Variants in SYF2 observed in about 807,000 individuals in gnomAD.
The protein encoded by SYF2 is SYF2 pre-mRNA splicing factor.
Under a neutral mutation model 32.7 loss-of-function variants are expected in SYF2, and 21 were observed. The observed-to-expected ratio is 0.64, with a 90% CI of 0.45 to 0.92. The LOEUF is 0.92. Ranked by LOEUF, SYF2 falls within the 40% of genes least tolerant of loss-of-function variation. The probability of loss-of-function intolerance (pLI) is 0.00; values close to 1 mark genes in which losing one functional copy is unlikely to be tolerated. For missense variants in SYF2, 278 were observed against 296.5 expected, an observed-to-expected ratio of 0.94 and a Z score of 0.46; for synonymous variants, 114 against 103.9, an observed-to-expected ratio of 1.10 and a Z score of -0.59.
In SYF2 at chr1:25,227,546, A is replaced by C. The variant is rs1472951911; in HGVS notation, c.377-14T>G. 6.2e-7 allele frequency: 1 copy of C among 1,608,276 alleles called. No homozygotes were observed. The highest frequency in any genetic ancestry group is 2.2e-5 in the East Asian group (1 of 44,812). On this transcript the variant is annotated splice_polypyrimidine_tract_variant and intron_variant, in intron 4 of 6. Coordinates refer to ENST00000236273, the MANE Select transcript of SYF2 (RefSeq NM_015484.5). ...CAGCAGCATAATCTAAAAATATAAA[A>C]TGAGAATCAGCGATAATATATTTCC...
intron 2 of SYF2, 99 bp downstream of exon 2, chr1:25,232,005 G>A: frequency 1.7e-6 from 2 of 1,168,030 alleles, no homozygotes; most frequent in South Asian, 1.3e-5. Context: ...CTGCTCTGTT[G>A]GTCTGTCAGA....
At chr1:25,225,185 AAAGT>A in intron 5 of SYF2, 85 bp from the exon 6 acceptor site, 3 of 879,272 alleles carry the variant, frequency 3.4e-6, no homozygotes, top group Non-Finnish European at 5.8e-6. Context: ...ACATGATAAG[AAAGT>A]ATACACATAC....
Position 25,223,209 on chromosome 1 carries a change from T to C in SYF2, c.*57A>G. ...ATAAAATTTCAAAAAGAACTTGATT[T>C]TGCTAGCAGAAATTTTTACCCCATT... On this transcript the variant is annotated 3_prime_UTR_variant, in exon 7 of 7. Coordinates refer to ENST00000236273, the MANE Select transcript of SYF2 (RefSeq NM_015484.5). 6.6e-7 allele frequency: 1 copy of C among 1,509,330 alleles called. No homozygotes were observed. Among genetic ancestry groups the C allele is most frequent in the Non-Finnish European group, 8.9e-7 (1 of 1,121,158 alleles). 93.5% of individuals were successfully genotyped at this position (1,509,330 alleles called of 1,614,324 possible). A position where few individuals can be genotyped will look rare whatever the true frequency, so the allele number is the denominator to read the frequency against.
At chr1:25,227,968 C>T in intron 4 of SYF2, 150 bp downstream of exon 4, 1 of 634,598 alleles carries the variant, frequency 1.6e-6, no homozygotes, top group Non-Finnish European at 2.8e-6. Flanking sequence ...TAACTTCTCT[C>T]CTAAGAGACA....
intron 2 of SYF2, 40 bp from the exon 3 acceptor site, chr1:25,229,163 AAAAT>A (rs751458566): frequency 2.4e-4 from 387 of 1,601,134 alleles, no homozygotes; most frequent in Non-Finnish European, 4.5e-5. Flanking sequence ...CTAAAACATG[AAAAT>A]AAATCCAGAT....
At position 25,223,210 on chromosome 1, in the gene SYF2, T is replaced by C; in HGVS notation, c.*56A>G. 1 of 1,513,094 alleles carries C rather than the reference T, an allele frequency of 6.6e-7. No individual in the cohort carries two copies. Among genetic ancestry groups the C allele is most frequent in the South Asian group, 1.3e-5 (1 of 75,790 alleles). 93.7% of individuals were successfully genotyped at this position (1,513,094 alleles called of 1,614,324 possible). On this transcript the variant is annotated 3_prime_UTR_variant, in exon 7 of 7. Transcript: ENST00000236273. ...TAAAATTTCAAAAAGAACTTGATTTTGCTAGCAGAAATTTTTACCCCATTC... is the reference window on the plus strand; with the variant it reads ...TAAAATTTCAAAAAGAACTTGATTTCGCTAGCAGAAATTTTTACCCCATTC...
At chr1:25,226,883 A>C (rs1212630288) in intron 5 of SYF2, among the ~76,000 whole-genome samples, 2 of 151,930 alleles carry the variant, frequency 1.3e-5, no homozygotes, top group African/African-American at 4.8e-5. Flanking sequence ...GGGGAGGCTG[A>C]TGTGGGAGGA....
At chr1:25,230,894 T>G (rs1033354963) in intron 2 of SYF2, 2 of 149,406 alleles carry the variant, frequency 1.3e-5, no homozygotes, top group Non-Finnish European at 3.0e-5. Flanking sequence ...TGATCTCGAC[T>G]CACTGTAAGC....
chr1:25,228,728 T>C (rs1220784722), intron 3 of SYF2, among the ~76,000 whole-genome samples: 2 of 152,238 alleles, frequency 1.3e-5, no homozygotes, highest in African/African-American at 4.8e-5. Flanking sequence ...TGTCAGACCT[T>C]GTTTTAAATG....
intron 2 of SYF2, 31 bp from the exon 3 acceptor site, chr1:25,229,154 TA>T: frequency 6.2e-7 from 1 of 1,603,342 alleles, no homozygotes; most frequent in South Asian, 1.1e-5. Context: ...GTCTGTCAGC[TA>T]AAACATGAAA....
chr1:25,232,369 G>A (rs1481555175), intron 1 of SYF2, 75 bp downstream of exon 1: 6 of 1,610,422 alleles, frequency 3.7e-6, no homozygotes, highest in East Asian at 2.2e-5. Context: ...ACTAGACTTC[G>A]CCTCCACCTC....
At chr1:25,231,733 A>G (rs1330934818) in intron 2 of SYF2, 1 of 226,934 alleles carries the variant, frequency 4.4e-6, no homozygotes, top group Non-Finnish European at 8.8e-6. Context: ...AAAGTGAACC[A>G]GGTCTCTTAC....
intron 2 of SYF2, chr1:25,230,501 C>T (rs189328593): frequency 1.3e-5 from 2 of 152,260 alleles, no homozygotes; most frequent in East Asian, 3.9e-4. Flanking sequence ...AATATTTAAG[C>T]ATGTCTTTTT....
At position 25,223,055 on chromosome 1, in the gene SYF2, A is replaced by C; in HGVS notation, c.*211T>G. The C allele has an allele frequency of 4.7e-6, 2 of 422,798 alleles. No individual in the cohort carries two copies. Among genetic ancestry groups the C allele is most frequent in the Non-Finnish European group, 4.2e-6 (1 of 238,910 alleles). The allele number at this position is 422,798 out of a possible 1,614,324, so 26.2% of individuals were successfully genotyped here. A position where few individuals can be genotyped will look rare whatever the true frequency, so the allele number is the denominator to read the frequency against. On this transcript the variant is annotated 3_prime_UTR_variant, in exon 7 of 7. Coordinates refer to ENST00000236273, the MANE Select transcript of SYF2 (RefSeq NM_015484.5). ...GTAGATTACAAAACAACTTCACTAC[A>C]AGAAATACATCTTATATCCAAGCAC...
At chr1:25,229,252 G>T in intron 2 of SYF2, 129 bp from the exon 3 acceptor site, 1 of 1,123,996 alleles carries the variant, frequency 8.9e-7, no homozygotes, top group Non-Finnish European at 1.2e-6. Flanking sequence ...AAAAGCAATA[G>T]AGAGCCATCA....
Position 25,232,134 on chromosome 1 carries a change from C to T in SYF2, c.102G>A (p.Leu34=), listed in dbSNP as rs200000869. The T allele has an allele frequency of 2.0e-5, 32 of 1,614,068 alleles. No individual in the cohort carries two copies. Among genetic ancestry groups the T allele is most frequent in the Admixed American group, 3.3e-5 (2 of 60,006 alleles). ...TCAGGTGCAGCTCCCGGAATTTGCG[C>T]AGTCTCTGTTCGCGCTTCTGAGCGG... ...ELAAQKREQR[L]RKFRELHLMR... is the part of the protein sequence containing the mutation. The change falls in exon 2 of 7, where the codon CTG becomes CTA. Residue 34 remains leucine (L), a synonymous_variant. Transcript: ENST00000236273.
chr1:25,227,237 C>T (rs981343659), intron 5 of SYF2, among the ~76,000 whole-genome samples: 5 of 152,028 alleles, frequency 3.3e-5, no homozygotes, highest in Admixed American at 1.3e-4. Flanking sequence ...GAGCTGAGAC[C>T]GCACCATTCA....
intron 5 of SYF2, 154 bp downstream of exon 5, chr1:25,227,288 A>C (rs1268647954): frequency 3.0e-6 from 2 of 668,442 alleles, no homozygotes; most frequent in Non-Finnish European, 4.9e-6. Flanking sequence ...CTCCATCTCA[A>C]AGGAAAAAAA....
At chr1:25,228,076 C>CT (rs918868600) in intron 4 of SYF2, 42 bp downstream of exon 4, 2 of 1,500,102 alleles carry the variant, frequency 1.3e-6, no homozygotes, top group African/African-American at 2.8e-5. Context: ...AAGGAAATGA[C>CT]TAACAGCCCA....
Sources: allele counts gnomAD v4.1 joint callset (sites outside exome capture counted in the v4.1 genomes callset), GRCh38; gene constraint gnomAD v4.1.1; transcripts MANE v1.5; gene names NCBI Gene and HGNC (gene_info 2026-07-23, HGNC 2026-07-21).